Variants in NCAM2 observed in about 807,000 individuals in gnomAD.
NCAM2 encodes N-CAM-2.
In NCAM2, 30 loss-of-function variants were observed where a neutral mutation model predicts 98.1. The ratio of observed to expected loss-of-function variants is 0.31; its 90% CI spans 0.23 to 0.41. The LOEUF is 0.41. Ranked by LOEUF, NCAM2 falls within the 10% of genes least tolerant of loss-of-function variation. NCAM2 has a pLI of 1.00. For missense variants in NCAM2, 867 were observed against 1,005.8 expected, an observed-to-expected ratio of 0.86 and a Z score of 1.87; for synonymous variants, 368 against 342.4, an observed-to-expected ratio of 1.07 and a Z score of -0.83.
At chr21:21,454,035 A>C (rs1354754261) in intron 12 of NCAM2, among the ~76,000 whole-genome samples, 1 of 152,094 alleles carries the variant, frequency 6.6e-6, no homozygotes, top group African/African-American at 2.4e-5. Flanking sequence ...TAGGATTTCT[A>C]GTTACATATT....
At chr21:21,213,806 C>T (rs922623241) in intron 1 of NCAM2, among the ~76,000 whole-genome samples, 7 of 152,146 alleles carry the variant, frequency 4.6e-5, no homozygotes, top group Non-Finnish European at 8.8e-5. Context: ...ATAATCTCCT[C>T]TTTGATATCT....
chr21:21,034,761 C>T (rs1331293613), intron 1 of NCAM2, among the ~76,000 whole-genome samples: 3 of 152,000 alleles, frequency 2.0e-5, no homozygotes, highest in Non-Finnish European at 4.4e-5. Flanking sequence ...TTTTTTTTCT[C>T]TCCAGTCCCT....
chr21:21,115,133 T>C lies in NCAM2; in HGVS notation c.55+116515T>C, dbSNP rs373913490. Among the ~76,000 whole-genome samples the C allele has an allele frequency of 9.5e-4, 145 of 152,262 alleles. 2 individuals are homozygous for C. Among genetic ancestry groups the C allele is most frequent in the South Asian group, 5.2e-3 (25 of 4,824 alleles). On this transcript the variant is annotated intron_variant, in intron 1 of 17. Coordinates refer to ENST00000400546, the MANE Select transcript of NCAM2 (RefSeq NM_004540.5). ...ACCGCACCCGGCCATATTAATTTCA[T>C]TTAAAGATGCAATTTTCCTGAGTGA...
intron 15 of NCAM2, among the ~76,000 whole-genome samples, chr21:21,495,354 G>A (rs1404550111): frequency 6.6e-6 from 1 of 151,898 alleles, no homozygotes; most frequent in Non-Finnish European, 1.5e-5. Context: ...TATCCAAGGA[G>A]TTCTCATTCT....
chr21:21,093,499 A>G (rs534758474), intron 1 of NCAM2, among the ~76,000 whole-genome samples: 3 of 152,172 alleles, frequency 2.0e-5, no homozygotes, highest in Admixed American at 6.6e-5. Flanking sequence ...GTATTAACAA[A>G]TCAGGCAGAT....
chr21:21,516,064 G>A (rs964840938), intron 16 of NCAM2, among the ~76,000 whole-genome samples: 2 of 152,148 alleles, frequency 1.3e-5, no homozygotes, highest in South Asian at 2.1e-4. Context: ...TCCATGTATC[G>A]AATGGAAGTA....
chr21:21,333,381 C>G (rs113233978), intron 6 of NCAM2, among the ~76,000 whole-genome samples: 1 of 152,266 alleles, frequency 6.6e-6, no homozygotes, highest in African/African-American at 2.4e-5. Context: ...GTACAGCCAT[C>G]TTCCTTGTCA....
rs73316712 is a variant in NCAM2 at position 21,213,200 on chromosome 21, G to C, written c.56-67378G>C. Among the ~76,000 whole-genome samples, 611 of 152,066 alleles carry C rather than the reference G, an allele frequency of 4.0e-3. 10 individuals are homozygous for C. Among genetic ancestry groups the C allele is most frequent in the African/African-American group, 0.014 (585 of 41,454 alleles). ...ATGACCTAAAATTACATTTAGATTT[G>C]CTAGATTCATTCATACCAGCTATAG... On this transcript the variant is annotated intron_variant, in intron 1 of 17. Transcript: ENST00000400546.
chr21:21,422,616 A>G (rs899344546), intron 11 of NCAM2, among the ~76,000 whole-genome samples: 6 of 152,096 alleles, frequency 3.9e-5, no homozygotes, highest in African/African-American at 7.2e-5. Context: ...CATTGGGGGG[A>G]AAAAGTAATC....
intron 1 of NCAM2, among the ~76,000 whole-genome samples, chr21:21,195,626 G>A (rs532308495): frequency 9.2e-5 from 14 of 152,224 alleles, no homozygotes; most frequent in African/African-American, 3.4e-4. Flanking sequence ...GCAAAATCTA[G>A]AATCTGAAAG....
chr21:21,222,017 G>A (rs998276455), intron 1 of NCAM2, among the ~76,000 whole-genome samples: 1 of 152,110 alleles, frequency 6.6e-6, no homozygotes, highest in African/African-American at 2.4e-5. Flanking sequence ...AAAGTCTAAT[G>A]CCCTTAAGAA....
intron 11 of NCAM2, among the ~76,000 whole-genome samples, chr21:21,430,200 T>A (rs1339877091): frequency 2.0e-5 from 3 of 151,620 alleles, no homozygotes. Flanking sequence ...GGCTGTTTTT[T>A]TTATTTTTGT....
intron 4 of NCAM2, among the ~76,000 whole-genome samples, chr21:21,287,208 A>C (rs2073133875): frequency 6.6e-6 from 1 of 151,988 alleles, no homozygotes; most frequent in Non-Finnish European, 1.5e-5. Context: ...AAATAATTGA[A>C]TCTTTTAAAG....
At chr21:21,469,288 T>G (rs1195488384) in intron 14 of NCAM2, among the ~76,000 whole-genome samples, 10 of 151,992 alleles carry the variant, frequency 6.6e-5, no homozygotes, top group Admixed American at 6.6e-4. Flanking sequence ...AGTAAGGATG[T>G]TTGGAGAGCT....
At chr21:21,122,530 T>A (rs1434141317) in intron 1 of NCAM2, among the ~76,000 whole-genome samples, 1 of 152,174 alleles carries the variant, frequency 6.6e-6, no homozygotes, top group Non-Finnish European at 1.5e-5. Flanking sequence ...TTCTCACAAT[T>A]CTTTGGGTTG....
intron 12 of NCAM2, among the ~76,000 whole-genome samples, chr21:21,459,260 G>A (rs868117509): frequency 1.3e-5 from 2 of 151,896 alleles, no homozygotes; most frequent in South Asian, 4.2e-4. Context: ...AGGGAAAATA[G>A]TATGACATTT....
At chr21:21,389,672 G>C (rs1681092597) in intron 9 of NCAM2, among the ~76,000 whole-genome samples, 1 of 152,074 alleles carries the variant, frequency 6.6e-6, no homozygotes, top group Non-Finnish European at 1.5e-5. Context: ...ATATAAGTGA[G>C]AACATTGTCT....
At chr21:21,356,158 T>G (rs910995424) in intron 8 of NCAM2, among the ~76,000 whole-genome samples, 2 of 152,166 alleles carry the variant, frequency 1.3e-5, no homozygotes, top group Non-Finnish European at 2.9e-5. Context: ...TAAATACAAC[T>G]ACATGAATAA....
intron 1 of NCAM2, among the ~76,000 whole-genome samples, chr21:21,254,386 C>G (rs893372984): frequency 6.6e-6 from 1 of 152,150 alleles, no homozygotes; most frequent in Admixed American, 6.5e-5. Context: ...ACTCATAACC[C>G]TGGCTTGGAA....
Sources: gnomAD v4.1 joint callset for allele counts (sites outside exome capture counted in the v4.1 genomes callset) on GRCh38, gnomAD v4.1.1 for gene constraint, MANE v1.5 for transcripts, NCBI Gene and HGNC (gene_info 2026-07-23, HGNC 2026-07-21) for gene names.